The following MGST1 variants were observed in gnomAD, a reference collection of about 807,000 sequenced individuals.
MGST1 encodes the protein microsomal glutathione S-transferase 1, also known as glutathione S-transferase 12.
Under a neutral mutation model 8.9 loss-of-function variants are expected in MGST1, and 5 were observed. The ratio of observed to expected loss-of-function variants is 0.56; its 90% CI spans 0.29 to 1.19. The LOEUF (loss-of-function observed/expected upper bound fraction) is 1.19, where lower values mean the gene tolerates loss of function less well. Ranked by LOEUF, MGST1 falls within the 50% of genes most tolerant of loss-of-function variation. The pLI is 0.08. For missense variants in MGST1, 182 were observed against 187.4 expected (o/e 0.97, Z 0.17); for synonymous variants, 54 against 67.8 (o/e 0.80, Z 1.00).
In MGST1 at chr12:16,458,209, C is replaced by T. The variant is rs1941191776; in HGVS notation, n.482+74605C>T. Among the ~76,000 whole-genome samples, 1 of 151,976 alleles carries T rather than the reference C, an allele frequency of 6.6e-6. No individual in the cohort carries two copies. The highest frequency in any genetic ancestry group is 6.6e-5 in the Admixed American group (1 of 15,220). ...AGGTGCCAGCTGATCTTTAATTGTT[C>T]ATCACCTGCCTCCAAAATAATATGA... On this transcript the variant is annotated intron_variant and non_coding_transcript_variant, in intron 4 of 4. Transcript: ENST00000538857. This position sits in a 1 kb window ranked among gnomAD's most constrained non-coding sequence, Gnocchi z 4.0.
intron 4 of MGST1, among the ~76,000 whole-genome samples, chr12:16,532,243 A>T (rs923859178): frequency 2.0e-5 from 3 of 152,072 alleles, no homozygotes; most frequent in African/African-American, 7.2e-5. Flanking sequence ...CCTCTCTCCC[A>T]TTTCTGATTC....
chr12:16,478,177 G>A (rs1205545136), intron 4 of MGST1, among the ~76,000 whole-genome samples: 2 of 152,020 alleles, frequency 1.3e-5, no homozygotes, highest in African/African-American at 4.8e-5. Context: ...CTATAGGCGC[G>A]TGCCACCACG....
At chr12:16,575,282 A>C (rs1460866609) in intron 4 of MGST1, among the ~76,000 whole-genome samples, 1 of 152,224 alleles carries the variant, frequency 6.6e-6, no homozygotes, top group African/African-American at 2.4e-5. Flanking sequence ...GCATAAGGTC[A>C]ATTTCCACAC....
chr12:16,474,091 C>T (rs1413630710), intron 4 of MGST1, among the ~76,000 whole-genome samples: 2 of 152,164 alleles, frequency 1.3e-5, no homozygotes, highest in Admixed American at 6.5e-5. Context: ...TCAGTTGGAA[C>T]AGCTCCCATT....
intron 4 of MGST1, among the ~76,000 whole-genome samples, chr12:16,551,884 T>C (rs371144523): frequency 3.9e-5 from 6 of 152,154 alleles, no homozygotes; most frequent in African/African-American, 1.4e-4. Context: ...GAAATGAAAG[T>C]TGCTCTAGCA....
intron 1 of MGST1, among the ~76,000 whole-genome samples, chr12:16,409,495 A>G (rs532496301): frequency 6.6e-6 from 1 of 152,262 alleles, no homozygotes; most frequent in South Asian, 2.1e-4. Context: ...GATCGCTGAA[A>G]TTATGAGACT....
At position 16,361,678 on chromosome 12, in the gene MGST1, T is replaced by G. The variant is rs951234221; in HGVS notation, c.222-2117T>G. On this transcript the variant is annotated intron_variant, in intron 3 of 3. Transcript: ENST00000396210. The surrounding 1 kb of genome is among the most constrained non-coding windows in gnomAD (Gnocchi z 4.2). The stretch of plus-strand genomic sequence containing the variant: ...AGGGAAAGCTGGGGAACTGTTTGCC[T>G]GGAACAGAGTCTCAAAAGAAGTACA... 2.0e-5 allele frequency among the ~76,000 whole-genome samples: 3 copies of G among 152,118 alleles called. No homozygotes were observed. The highest frequency in any genetic ancestry group is 4.4e-5 in the Non-Finnish European group (3 of 68,026).
chr12:16,592,359 A>C (rs1023696697), downstream of MGST1, among the ~76,000 whole-genome samples: 22 of 152,038 alleles, frequency 1.4e-4, no homozygotes, highest in Non-Finnish European at 2.2e-4. Flanking sequence ...TGGTCACAGA[A>C]AATACTGGCT....
downstream of MGST1, among the ~76,000 whole-genome samples, chr12:16,379,589 G>C (rs1247163138): frequency 4.6e-5 from 7 of 152,194 alleles, no homozygotes; most frequent in Admixed American, 4.6e-4. Context: ...GTTCACCAAG[G>C]ATACTGGTCT....
chr12:16,445,645 A>G (rs1017538032), intron 4 of MGST1, among the ~76,000 whole-genome samples: 8 of 151,940 alleles, frequency 5.3e-5, no homozygotes, highest in African/African-American at 9.7e-5. Context: ...TTCATTCGCT[A>G]TATCAATGCC....
At chr12:16,551,069 C>G in intron 4 of MGST1, 1 of 561,794 alleles carries the variant, frequency 1.8e-6, no homozygotes, top group Non-Finnish European at 3.2e-6. Flanking sequence ...TCACTACATA[C>G]AGATGCAGTC....
rs1942295983 is a variant in MGST1, at chr12:16,559,055, C to T, written n.483-30473C>T. 6.6e-6 allele frequency among the ~76,000 whole-genome samples: 1 copy of T among 152,126 alleles called. No homozygotes were observed. Among genetic ancestry groups the T allele is most frequent in the Non-Finnish European group, 1.5e-5 (1 of 68,008 alleles). On this transcript the variant is annotated intron_variant and non_coding_transcript_variant, in intron 4 of 4. Transcript: ENST00000538857. This position sits in a 1 kb window ranked among gnomAD's most constrained non-coding sequence, Gnocchi z 4.1. Reference sequence around the variant, plus strand: ...ATGTCACATTCTTTCTACTATTCTACAGGGTCTCATAAGAAGATTCTGCAT... The same window carrying T: ...ATGTCACATTCTTTCTACTATTCTATAGGGTCTCATAAGAAGATTCTGCAT...
intron 4 of MGST1, among the ~76,000 whole-genome samples, chr12:16,466,647 A>G (rs1344221582): frequency 6.6e-6 from 1 of 152,216 alleles, no homozygotes; most frequent in Non-Finnish European, 1.5e-5. Context: ...TTATATTAGC[A>G]TGGGACAAAA....
In MGST1 at chr12:16,401,388, G is replaced by A. The variant is rs1187268979; in HGVS notation, n.778+17784G>A. ...TTCCCACCCCAAATCCTAGGTTTCT[G>A]GTAATTTTGTTCAGGAGTTCTGGCT... On this transcript the variant is annotated intron_variant and non_coding_transcript_variant, in intron 1 of 1. Transcript: ENST00000359720. The surrounding 1 kb of genome is among the most constrained non-coding windows in gnomAD (Gnocchi z 4.3). 2 of 1,106,474 alleles carry A rather than the reference G, an allele frequency of 1.8e-6. No individual in the cohort carries two copies. Among genetic ancestry groups the A allele is most frequent in the African/African-American group, 3.1e-5 (2 of 64,828 alleles). 68.5% of individuals were successfully genotyped at this position (1,106,474 alleles called of 1,614,324 possible). A position where few individuals can be genotyped will look rare whatever the true frequency, so the allele number is the denominator to read the frequency against.
intron 4 of MGST1, among the ~76,000 whole-genome samples, chr12:16,476,803 C>T (rs1471276042): frequency 6.6e-6 from 1 of 152,148 alleles, no homozygotes; most frequent in Non-Finnish European, 1.5e-5. Context: ...GCATGGCACC[C>T]ACCTGTACTG....
chr12:16,575,654 A>G (rs1565495475), intron 4 of MGST1, among the ~76,000 whole-genome samples: 1 of 152,132 alleles, frequency 6.6e-6, no homozygotes, highest in African/African-American at 2.4e-5. Context: ...AGCGTCACAT[A>G]GATAGATAAT....
Position 16,362,101 on chromosome 12 carries a change from G to C in MGST1, c.222-1694G>C, listed in dbSNP as rs1181385431. 6.6e-6 allele frequency among the ~76,000 whole-genome samples: 1 copy of C among 152,178 alleles called. No homozygotes were observed. The highest frequency in any genetic ancestry group is 1.5e-5 in the Non-Finnish European group (1 of 68,036). On this transcript the variant is annotated intron_variant, in intron 3 of 3. Coordinates refer to ENST00000396210, the MANE Select transcript of MGST1 (RefSeq NM_020300.5). The surrounding 1 kb of genome is among the most constrained non-coding windows in gnomAD (Gnocchi z 4.4). ...ATGTTGTGAAGGAGAACACTAACGT[G>C]CCTAAGATTGGAGGTGACGATATCT...
intron 4 of MGST1, among the ~76,000 whole-genome samples, chr12:16,459,813 T>C (rs1941205299): frequency 6.6e-6 from 1 of 152,130 alleles, no homozygotes; most frequent in Admixed American, 6.6e-5. Flanking sequence ...AGCAGGAATT[T>C]AACTTTGCGT....
Position 16,406,994 on chromosome 12 carries a change from G to C in MGST1, n.778+23390G>C, listed in dbSNP as rs1940701916. ...CTAGGCAAATAGCATCTGGACATGG[G>C]AACTGGCAAAGATTTGATGAAGAAA... On this transcript the variant is annotated intron_variant and non_coding_transcript_variant, in intron 1 of 1. Coordinates refer to the MGST1 transcript ENST00000359720. Among the ~76,000 whole-genome samples, 2 of 152,154 alleles carry C rather than the reference G, an allele frequency of 1.3e-5. 1 individual carries two copies. Among genetic ancestry groups the C allele is most frequent in the South Asian group, 4.1e-4 (2 of 4,834 alleles).
Sources: gnomAD v4.1 joint callset for allele counts (sites outside exome capture counted in the v4.1 genomes callset) on GRCh38, gnomAD v4.1.1 for gene constraint, Gnocchi (gnomAD v3.1) non-coding constraint, MANE v1.5 for transcripts, NCBI Gene and HGNC (gene_info 2026-07-23, HGNC 2026-07-21) for gene names.